The following GALNTL6 variants were observed in gnomAD, a reference collection of about 807,000 sequenced individuals.
GALNTL6 encodes the protein polypeptide N-acetylgalactosaminyltransferase-like 6.
Under a neutral mutation model 73.7 loss-of-function variants are expected in GALNTL6, and 46 were observed. The ratio of observed to expected loss-of-function variants is 0.62; its 90% CI spans 0.49 to 0.80. The LOEUF (loss-of-function observed/expected upper bound fraction) is 0.80, where lower values mean the gene tolerates loss of function less well. Among genes scored for constraint, GALNTL6 ranks in the 30% least tolerant of loss-of-function variants. The pLI is 0.00. For synonymous variants in GALNTL6, 259 were observed against 263.7 expected, an observed-to-expected ratio of 0.98 and a Z score of 0.17; for missense variants, 604 against 755.0, an observed-to-expected ratio of 0.80 and a Z score of 2.34.
At chr4:172,659,324 G>A (rs183982783) in intron 5 of GALNTL6, among the ~76,000 whole-genome samples, 11 of 152,096 alleles carry the variant, frequency 7.2e-5, no homozygotes, top group African/African-American at 2.4e-4. Flanking sequence ...ATCAAATCAA[G>A]GTGATTGGGA....
intron 5 of GALNTL6, among the ~76,000 whole-genome samples, chr4:172,622,330 A>T (rs1200318125): frequency 6.6e-6 from 1 of 152,144 alleles, no homozygotes; most frequent in East Asian, 1.9e-4. Context: ...ATAAAAGTAG[A>T]CCCACTCCAA....
intron 7 of GALNTL6, among the ~76,000 whole-genome samples, chr4:172,821,218 A>C (rs1741907394): frequency 6.6e-6 from 1 of 152,232 alleles, no homozygotes; most frequent in African/African-American, 2.4e-5. Context: ...TAGAGTGAGA[A>C]CCAAAGAAAT....
intron 2 of GALNTL6, among the ~76,000 whole-genome samples, chr4:172,080,018 T>A (rs897569164): frequency 3.3e-5 from 5 of 152,306 alleles, no homozygotes; most frequent in African/African-American, 1.2e-4. Context: ...ATATTTTATG[T>A]GTGATTTTTA....
intron 2 of GALNTL6, among the ~76,000 whole-genome samples, chr4:172,151,972 ATC>A (rs1253190200): frequency 2.0e-5 from 3 of 150,220 alleles, no homozygotes; most frequent in Non-Finnish European, 4.4e-5. Flanking sequence ...CTATCTATCT[ATC>A]TATCTATCTA....
intron 8 of GALNTL6, among the ~76,000 whole-genome samples, chr4:172,921,724 G>A (rs1235946516): frequency 3.3e-5 from 5 of 151,352 alleles, no homozygotes; most frequent in African/African-American, 1.2e-4. Flanking sequence ...TCACCTGGGA[G>A]GCAGAGGTTG....
intron 2 of GALNTL6, among the ~76,000 whole-genome samples, chr4:172,081,038 C>A (rs1309901665): frequency 2.6e-5 from 4 of 152,040 alleles, no homozygotes; most frequent in Non-Finnish European, 5.9e-5. Context: ...CTATTTAAAA[C>A]AATCACCTGG....
intron 8 of GALNTL6, among the ~76,000 whole-genome samples, chr4:172,928,622 C>T (rs1748178566): frequency 6.6e-6 from 1 of 152,202 alleles, no homozygotes; most frequent in Admixed American, 6.5e-5. Context: ...TTTCTTCCTA[C>T]TAGGTTGAAA....
At chr4:172,614,086 G>A (rs1738627195) in intron 5 of GALNTL6, among the ~76,000 whole-genome samples, 1 of 151,904 alleles carries the variant, frequency 6.6e-6, no homozygotes, top group South Asian at 2.1e-4. Context: ...TCCCACAGCT[G>A]TCTTTCTCTG....
chr4:172,887,560 ATTT>A (rs1726448549), intron 8 of GALNTL6, among the ~76,000 whole-genome samples: 1 of 149,236 alleles, frequency 6.7e-6, no homozygotes, highest in Non-Finnish European at 1.5e-5. Flanking sequence ...TTATTTATTT[ATTT>A]ATTTATTTAT....
At position 172,679,323 on chromosome 4, in the gene GALNTL6, C is replaced by T. The variant is rs143327887; in HGVS notation, c.554-130038C>T. 4.6e-3 allele frequency among the ~76,000 whole-genome samples: 704 copies of T among 151,674 alleles called. 3 individuals are homozygous for T. The highest frequency in any genetic ancestry group is 0.016 in the African/African-American group (661 of 41,314). Reference sequence around the variant, plus strand: ...CCACTCGGGAGGCTGATGCAGGAGACTCACTTGAACCCTGGAGGCGGAGGT... The same window carrying T: ...CCACTCGGGAGGCTGATGCAGGAGATTCACTTGAACCCTGGAGGCGGAGGT... On this transcript the variant is annotated intron_variant, in intron 5 of 12. Transcript: ENST00000506823.
intron 5 of GALNTL6, among the ~76,000 whole-genome samples, chr4:172,709,891 A>G (rs1288514553): frequency 1.3e-5 from 2 of 152,138 alleles, no homozygotes; most frequent in Non-Finnish European, 2.9e-5. Context: ...GAAATTGACT[A>G]GAAAAACAAA....
intron 5 of GALNTL6, among the ~76,000 whole-genome samples, chr4:172,781,465 G>A (rs942492590): frequency 6.6e-6 from 1 of 151,944 alleles, no homozygotes; most frequent in Non-Finnish European, 1.5e-5. Flanking sequence ...TATCCAGATC[G>A]GTGCATTTTT....
chr4:172,916,484 A>G (rs1279159551), intron 8 of GALNTL6, among the ~76,000 whole-genome samples: 1 of 152,220 alleles, frequency 6.6e-6, no homozygotes, highest in Admixed American at 6.5e-5. Context: ...ACATGATTGT[A>G]TATTTAGAAA....
intron 10 of GALNTL6, among the ~76,000 whole-genome samples, chr4:172,963,091 C>A (rs1750158597): frequency 6.6e-6 from 1 of 152,120 alleles, no homozygotes; most frequent in South Asian, 2.1e-4. Context: ...TCTCTGACTC[C>A]TCACCCCCTG....
At chr4:172,560,881 A>C (rs1736326704) in intron 5 of GALNTL6, among the ~76,000 whole-genome samples, 1 of 152,188 alleles carries the variant, frequency 6.6e-6, no homozygotes, top group African/African-American at 2.4e-5. Context: ...CTGAGCCCTA[A>C]CTTCTTTTAA....
chr4:172,460,848 C>T (rs1415677291), intron 5 of GALNTL6, among the ~76,000 whole-genome samples: 2 of 152,180 alleles, frequency 1.3e-5, no homozygotes, highest in African/African-American at 2.4e-5. Context: ...ACCATTTGAT[C>T]CAGCAATCCC....
intron 12 of GALNTL6, among the ~76,000 whole-genome samples, chr4:173,032,764 A>G (rs1386503323): frequency 1.3e-5 from 2 of 152,038 alleles, no homozygotes; most frequent in African/African-American, 4.8e-5. Flanking sequence ...TTTAGCTAAG[A>G]GAGTGTGAAG....
At chr4:172,016,560 A>G (rs1021440694) in intron 2 of GALNTL6, among the ~76,000 whole-genome samples, 3 of 151,912 alleles carry the variant, frequency 2.0e-5, no homozygotes, top group Non-Finnish European at 4.4e-5. Context: ...CTTCTGAATT[A>G]TTTATCTGGC....
chr4:172,873,620 T>A (rs558144409), intron 7 of GALNTL6, among the ~76,000 whole-genome samples: 1 of 152,350 alleles, frequency 6.6e-6, no homozygotes, highest in East Asian at 1.9e-4. Context: ...TTCCCTCCTG[T>A]CAGAGTTAGA....
Sources: gnomAD v4.1 joint callset for allele counts (sites outside exome capture counted in the v4.1 genomes callset) on GRCh38, gnomAD v4.1.1 for gene constraint, MANE v1.5 for transcripts, NCBI Gene and HGNC (gene_info 2026-07-23, HGNC 2026-07-21) for gene names.